Variants in RIMS2 observed in about 807,000 individuals in gnomAD.
RIMS2 encodes the protein regulating synaptic membrane exocytosis protein 2.
A neutral mutation model predicts 174.4 loss-of-function variants in RIMS2; 59 were observed. That is an observed-to-expected ratio of 0.34 (90% CI 0.27 to 0.42). RIMS2 has a LOEUF of 0.42. Ranked by LOEUF, RIMS2 falls within the 10% of genes least tolerant of loss-of-function variation. RIMS2 has a pLI of 1.00. For missense variants in RIMS2, 1,620 were observed against 1,666.3 expected (o/e 0.97, Z 0.48); for synonymous variants, 606 against 572.5 (o/e 1.06, Z -0.84).
intron 1 of RIMS2, among the ~76,000 whole-genome samples, chr8:103,691,825 T>G (rs1396455893): frequency 6.6e-6 from 1 of 152,164 alleles, no homozygotes; most frequent in Non-Finnish European, 1.5e-5. Context: ...GTACCCATCC[T>G]TCTTGGTAAA....
At chr8:103,544,333 G>A (rs891229308) in intron 1 of RIMS2, among the ~76,000 whole-genome samples, 23 of 152,268 alleles carry the variant, frequency 1.5e-4, no homozygotes, top group African/African-American at 5.1e-4. Flanking sequence ...GAACTCAGCT[G>A]GTGGGTGCAG....
chr8:104,116,621 T>G (rs1423978288), intron 19 of RIMS2, among the ~76,000 whole-genome samples: 3 of 152,170 alleles, frequency 2.0e-5, no homozygotes, highest in Non-Finnish European at 4.4e-5. Flanking sequence ...GGCTGAGTTT[T>G]GTACCTTCAG....
At chr8:103,652,424 T>C (rs2096467661) in intron 1 of RIMS2, among the ~76,000 whole-genome samples, 187 bp downstream of exon 2, 2 of 152,154 alleles carry the variant, frequency 1.3e-5, no homozygotes, top group Admixed American at 1.3e-4. Flanking sequence ...CTGGATGTAG[T>C]TTTTTGCTGC....
chr8:103,943,913 A>C (rs961593226), intron 14 of RIMS2, among the ~76,000 whole-genome samples: 3 of 152,178 alleles, frequency 2.0e-5, no homozygotes, highest in Non-Finnish European at 4.4e-5. Context: ...AATCATGGGA[A>C]GTATAGCTGG....
chr8:103,925,608 A>G (rs967348148), intron 10 of RIMS2, among the ~76,000 whole-genome samples: 4 of 151,574 alleles, frequency 2.6e-5, no homozygotes, highest in African/African-American at 9.7e-5. Context: ...TGAAGCCTGA[A>G]TTGTTATAGA....
intron 1 of RIMS2, among the ~76,000 whole-genome samples, chr8:103,547,457 C>G (rs558320443): frequency 7.2e-5 from 11 of 152,242 alleles, no homozygotes; most frequent in African/African-American, 2.6e-4. Context: ...TTCTTTGAAA[C>G]TAATAAGAAC....
chr8:104,012,027 A>C (rs112736579), intron 17 of RIMS2, among the ~76,000 whole-genome samples: 2 of 151,898 alleles, frequency 1.3e-5, no homozygotes, highest in Non-Finnish European at 2.9e-5. Flanking sequence ...TTACCTTTTC[A>C]TTTCTCTTAC....
chr8:103,558,121 G>A (rs12550530), intron 1 of RIMS2, among the ~76,000 whole-genome samples: 28,794 of 151,740 alleles, frequency 0.19, 2,954 homozygotes, highest in Middle Eastern at 0.3. Flanking sequence ...GGACTGCATT[G>A]TTTTACAGGT....
At chr8:103,685,339 G>T (rs576309996) in intron 1 of RIMS2, among the ~76,000 whole-genome samples, 19 of 152,128 alleles carry the variant, frequency 1.2e-4, no homozygotes, top group Non-Finnish European at 2.5e-4. Context: ...AGCAAGGGCA[G>T]GGAGTAGTCC....
At chr8:103,542,420 C>G (rs1328212795) in intron 1 of RIMS2, among the ~76,000 whole-genome samples, 3 of 152,112 alleles carry the variant, frequency 2.0e-5, no homozygotes, top group Non-Finnish European at 4.4e-5. Flanking sequence ...TAAAGAAGAA[C>G]TGATACCAAT....
intron 1 of RIMS2, among the ~76,000 whole-genome samples, chr8:103,647,675 A>G (rs2096367413): frequency 6.6e-6 from 1 of 151,670 alleles, no homozygotes; most frequent in South Asian, 2.1e-4. Flanking sequence ...TCCAGATATT[A>G]TTTGTTTCTT....
chr8:103,805,759 C>A (rs1030882815), intron 3 of RIMS2, among the ~76,000 whole-genome samples: 1 of 151,898 alleles, frequency 6.6e-6, no homozygotes, highest in East Asian at 1.9e-4. Flanking sequence ...CTAGTTTTCA[C>A]CTTATTTTTC....
At chr8:104,213,888 A>AGAAG (rs1554626689) in intron 19 of RIMS2, among the ~76,000 whole-genome samples, 1 of 148,108 alleles carries the variant, frequency 6.8e-6, no homozygotes, top group African/African-American at 2.6e-5. Flanking sequence ...AAAAAAAAAA[A>AGAAG]AAGAAGAAGA....
At chr8:103,825,817 A>C (rs1311015673) in intron 3 of RIMS2, among the ~76,000 whole-genome samples, 1 of 152,168 alleles carries the variant, frequency 6.6e-6, no homozygotes, top group Non-Finnish European at 1.5e-5. Context: ...TTTTAAAAGC[A>C]CATTTAAATG....
At chr8:103,546,373 C>A (rs201305591) in intron 1 of RIMS2, among the ~76,000 whole-genome samples, 1 of 152,062 alleles carries the variant, frequency 6.6e-6, no homozygotes, top group Non-Finnish European at 1.5e-5. Context: ...AGCACCCAGA[C>A]TCATAAAGCA....
chr8:104,220,080 TA>T (rs2138408029), intron 19 of RIMS2, among the ~76,000 whole-genome samples: 1 of 152,316 alleles, frequency 6.6e-6, no homozygotes, highest in South Asian at 2.1e-4. Context: ...ATAATTTCAG[TA>T]TATTCCACAA....
At chr8:104,043,521 T>G (rs1175309871) in intron 19 of RIMS2, among the ~76,000 whole-genome samples, 2 of 151,636 alleles carry the variant, frequency 1.3e-5, no homozygotes. Flanking sequence ...GAAGTAATGT[T>G]CAAATGGATT....
intron 3 of RIMS2, among the ~76,000 whole-genome samples, chr8:103,825,339 A>G (rs1331092188): frequency 6.6e-6 from 1 of 151,982 alleles, no homozygotes; most frequent in Non-Finnish European, 1.5e-5. Flanking sequence ...GCTGGAGTGC[A>G]GTGGCGTGAT....
At chr8:103,504,728 A>C (rs1822428776) in intron 1 of RIMS2, among the ~76,000 whole-genome samples, 1 of 152,044 alleles carries the variant, frequency 6.6e-6, no homozygotes, top group Non-Finnish European at 1.5e-5. Context: ...TTTAGCACAT[A>C]TATAGTGAGC....
Sources: gnomAD v4.1 joint callset for allele counts (sites outside exome capture counted in the v4.1 genomes callset) on GRCh38, gnomAD v4.1.1 for gene constraint, MANE v1.5 for transcripts, NCBI Gene and HGNC (gene_info 2026-07-23, HGNC 2026-07-21) for gene names.